RALGPS1: variants seen among roughly 807,000 people sequenced by gnomAD.
RALGPS1 encodes the protein ras-specific guanine nucleotide-releasing factor RalGPS1.
In RALGPS1, 19 loss-of-function variants were observed where a neutral mutation model predicts 78.8. The observed-to-expected ratio is 0.24, with a 90% CI of 0.17 to 0.35. The LOEUF is 0.35. RALGPS1 is among the 10% of genes least tolerant of loss of function. The pLI, the probability that RALGPS1 is intolerant of heterozygous loss-of-function variation, is 1.00. For synonymous variants in RALGPS1, 228 were observed against 256.3 expected, an observed-to-expected ratio of 0.89 and a Z score of 1.06; for missense variants, 454 against 688.3, an observed-to-expected ratio of 0.66 and a Z score of 3.81.
At chr9:127,198,263 G>T (rs73597302) in intron 13 of RALGPS1, among the ~76,000 whole-genome samples, 2 of 152,164 alleles carry the variant, frequency 1.3e-5, no homozygotes, top group Non-Finnish European at 2.9e-5. Context: ...ATGCCAAGGG[G>T]CCTGGGATCT....
intron 4 of RALGPS1, among the ~76,000 whole-genome samples, chr9:127,027,778 G>C (rs1445746148): frequency 6.6e-6 from 1 of 152,172 alleles, no homozygotes; most frequent in East Asian, 1.9e-4. Context: ...TGACTTTTCT[G>C]ACACCATGTA....
At chr9:127,065,562 A>G (rs1158016091) in intron 7 of RALGPS1, among the ~76,000 whole-genome samples, 2 of 152,126 alleles carry the variant, frequency 1.3e-5, no homozygotes, top group Non-Finnish European at 2.9e-5. Flanking sequence ...ACTTTTTCTT[A>G]TCCTATCTAC....
intron 1 of RALGPS1, among the ~76,000 whole-genome samples, chr9:126,922,759 G>C (rs2034895098): frequency 6.6e-6 from 1 of 152,180 alleles, no homozygotes; most frequent in Admixed American, 6.5e-5. Context: ...AGACTTTACA[G>C]AGTGAGAGTC....
In RALGPS1 at chr9:127,201,391, G is replaced by T. The variant is rs546844622; in HGVS notation, c.1247+2325G>T. Among the ~76,000 whole-genome samples the T allele has an allele frequency of 3.3e-5, 5 of 152,314 alleles. No homozygotes were observed. In the South Asian group the frequency reaches 1.0e-3, roughly 32 times the overall value. ...CTTTGGAGGATGCCAGTGGGCCTGCGATGTCTCCCCCAGTCAAGACCCAGG... is the reference window on the plus strand; with the variant it reads ...CTTTGGAGGATGCCAGTGGGCCTGCTATGTCTCCCCCAGTCAAGACCCAGG... On this transcript the variant is annotated intron_variant, in intron 14 of 18. Coordinates refer to ENST00000259351, the MANE Select transcript of RALGPS1 (RefSeq NM_014636.3).
intron 4 of RALGPS1, among the ~76,000 whole-genome samples, chr9:126,986,942 G>A (rs1383678673): frequency 2.0e-5 from 3 of 152,164 alleles, no homozygotes; most frequent in Non-Finnish European, 4.4e-5. Context: ...ACCTTACAGT[G>A]GGCATGTAAG....
chr9:127,179,539 A>G (rs556538085), intron 11 of RALGPS1, among the ~76,000 whole-genome samples: 1 of 152,206 alleles, frequency 6.6e-6, no homozygotes, highest in Non-Finnish European at 1.5e-5. Context: ...TGCCCTTTCC[A>G]GTAGGCACAT....
At chr9:127,162,031 C>A (rs1439585332) in intron 8 of RALGPS1, among the ~76,000 whole-genome samples, 1 of 152,232 alleles carries the variant, frequency 6.6e-6, no homozygotes, top group Non-Finnish European at 1.5e-5. Flanking sequence ...TCTTTATCAT[C>A]ACTTGACTGG....
At chr9:126,958,816 A>G (rs937821904) in intron 1 of RALGPS1, among the ~76,000 whole-genome samples, 1 of 152,172 alleles carries the variant, frequency 6.6e-6, no homozygotes, top group African/African-American at 2.4e-5. Flanking sequence ...ATAAATTTAT[A>G]TTTAACTTTT....
intron 8 of RALGPS1, among the ~76,000 whole-genome samples, chr9:127,164,435 G>A (rs1447106973): frequency 4.6e-5 from 7 of 151,636 alleles, no homozygotes; most frequent in African/African-American, 7.3e-5. Flanking sequence ...GGCTTTCACC[G>A]TGTTAGCCGA....
intron 11 of RALGPS1, among the ~76,000 whole-genome samples, chr9:127,190,812 C>T (rs1245083570): frequency 2.0e-5 from 3 of 152,238 alleles, no homozygotes; most frequent in African/African-American, 4.8e-5. Flanking sequence ...CTTTATTCAG[C>T]ACTGCTCATT....
intron 8 of RALGPS1, among the ~76,000 whole-genome samples, chr9:127,148,645 G>T (rs2058238896): frequency 6.6e-6 from 1 of 152,172 alleles, no homozygotes; most frequent in African/African-American, 2.4e-5. Context: ...CAGCCAGTGG[G>T]GTGGGTGTTC....
intron 8 of RALGPS1, among the ~76,000 whole-genome samples, chr9:127,124,281 C>T (rs533349389): frequency 6.6e-6 from 1 of 152,226 alleles, no homozygotes; most frequent in African/African-American, 2.4e-5. Context: ...AGGGCACTCT[C>T]TTTTGAAGCC....
At chr9:127,153,222 G>A (rs2058520342) in intron 8 of RALGPS1, among the ~76,000 whole-genome samples, 1 of 152,176 alleles carries the variant, frequency 6.6e-6, no homozygotes, top group Non-Finnish European at 1.5e-5. Context: ...GCTGAGGAGA[G>A]TAGCCAGGGC....
At chr9:126,983,770 C>T (rs899153191) in intron 4 of RALGPS1, among the ~76,000 whole-genome samples, 1 of 152,098 alleles carries the variant, frequency 6.6e-6, no homozygotes, top group Admixed American at 6.5e-5. Context: ...AAATATTCTG[C>T]TTCTTCTTGG....
At chr9:127,199,189 C>T (rs1022238532) in intron 14 of RALGPS1, 123 bp downstream of exon 14, 12 of 896,418 alleles carry the variant, frequency 1.3e-5, no homozygotes, top group African/African-American at 9.8e-5. Context: ...CTCTGTGGCT[C>T]CTTCAGCAGA....
chr9:127,024,659 A>G (rs1197903691), intron 4 of RALGPS1, among the ~76,000 whole-genome samples: 1 of 152,118 alleles, frequency 6.6e-6, no homozygotes, highest in Non-Finnish European at 1.5e-5. Flanking sequence ...TGGGCCATTC[A>G]AAAGAGAATA....
intron 8 of RALGPS1, among the ~76,000 whole-genome samples, chr9:127,094,767 C>G (rs185451388): frequency 2.0e-4 from 31 of 152,304 alleles, no homozygotes; most frequent in African/African-American, 7.2e-4. Context: ...AGGATACAGC[C>G]CAATCCATGG....
intron 4 of RALGPS1, among the ~76,000 whole-genome samples, chr9:127,011,238 CG>C (rs1419957015): frequency 6.6e-6 from 1 of 151,904 alleles, no homozygotes; most frequent in Non-Finnish European, 1.5e-5. Flanking sequence ...AGTGCAGTGG[CG>C]TGACCTCGGC....
chr9:126,941,170 G>GGT (rs1246769780), intron 1 of RALGPS1, among the ~76,000 whole-genome samples: 8 of 151,934 alleles, frequency 5.3e-5, no homozygotes, highest in Non-Finnish European at 1.2e-4. Flanking sequence ...TAGTTGTGGG[G>GGT]GGGGGTTGTT....
Sources: allele counts gnomAD v4.1 joint callset (sites outside exome capture counted in the v4.1 genomes callset), GRCh38; gene constraint gnomAD v4.1.1; transcripts MANE v1.5; gene names NCBI Gene and HGNC (gene_info 2026-07-23, HGNC 2026-07-21).